The following TUBB4A variants were observed in gnomAD, a reference collection of about 807,000 sequenced individuals.
TUBB4A encodes the protein tubulin beta 4A class IVa, also known as tubulin beta-4A chain.
In TUBB4A, 13 loss-of-function variants were observed where a neutral mutation model predicts 35.1. That is an observed-to-expected ratio of 0.37 (90% CI 0.24 to 0.59). The LOEUF (loss-of-function observed/expected upper bound fraction) is 0.59, where lower values mean the gene tolerates loss of function less well. Ranked by LOEUF, TUBB4A falls within the 20% of genes least tolerant of loss-of-function variation. The pLI is 0.71. For missense variants in TUBB4A, 299 were observed against 647.2 expected (o/e 0.46, Z 5.84); for synonymous variants, 279 against 272.4 (o/e 1.02, Z -0.24).
intron 3 of TUBB4A, 137 bp from the exon 4 acceptor site, chr19:6,496,358 G>A (rs568671259): frequency 6.2e-5 from 54 of 871,378 alleles, no homozygotes; most frequent in South Asian, 2.5e-4. Flanking sequence ...AGCCGGGTGC[G>A]GTGGCTCACA....
intron 3 of TUBB4A, among the ~76,000 whole-genome samples, chr19:6,497,653 G>A (rs1914310372): frequency 1.3e-5 from 2 of 151,954 alleles, no homozygotes; most frequent in Non-Finnish European, 2.9e-5. Context: ...TTAGAATATT[G>A]GCCAGGCGCA....
At position 6,495,710 on chromosome 19, in the gene TUBB4A, C is replaced by A; in HGVS notation, c.789G>T (p.Leu263=). Residue 263 remains leucine (L), a synonymous_variant, in exon 4 of 4, where the codon CTG becomes CTT. Transcript: ENST00000264071. This position sits in a 1 kb window ranked among gnomAD's most constrained non-coding sequence, Gnocchi z 8.7. Reference sequence around the variant, plus strand: ...GTGCGAAGCCGGGCATGAAGAAGTGCAGGCGAGGAAAGGGAACCATGTTGA... The same window carrying A: ...GTGCGAAGCCGGGCATGAAGAAGTGAAGGCGAGGAAAGGGAACCATGTTGA... ...LAVNMVPFPR[L]HFFMPGFAPL... 6.2e-7 allele frequency: 1 copy of A among 1,614,014 alleles called. No homozygotes were observed. The highest frequency in any genetic ancestry group is 1.1e-5 in the South Asian group (1 of 91,082).
chr19:6,498,603 T>C (rs2145253951), intron 3 of TUBB4A, among the ~76,000 whole-genome samples: 1 of 152,344 alleles, frequency 6.6e-6, no homozygotes, highest in South Asian at 2.1e-4. Context: ...GGTCCTGCCC[T>C]GGGGCCTTTG....
rs1371754860 is a variant in TUBB4A, at chr19:6,502,232, G to A, written c.-20C>T. ...CCGCATGGCGGTGGCGCTGAGGGTG[G>A]ACGCGGCGGCGGTGGCACGAGCGCG... On this transcript the variant is annotated 5_prime_UTR_variant, in exon 1 of 4. Coordinates refer to ENST00000264071, the MANE Select transcript of TUBB4A (RefSeq NM_006087.4). The A allele has an allele frequency of 3.3e-6, 5 of 1,519,604 alleles. No homozygotes were observed. The highest frequency in any genetic ancestry group is 2.6e-6 in the Non-Finnish European group (3 of 1,142,386). 94.1% of individuals were successfully genotyped at this position (1,519,604 alleles called of 1,614,324 possible). A position where few individuals can be genotyped will look rare whatever the true frequency, so the allele number is the denominator to read the frequency against.
chr19:6,497,898 CAAAAA>C (rs1179837262), intron 3 of TUBB4A, among the ~76,000 whole-genome samples: 100 of 42,250 alleles, frequency 2.4e-3, no homozygotes, highest in Non-Finnish European at 3.6e-3. Flanking sequence ...GACTCCGTCT[CAAAAA>C]AAAAAAAAAA....
rs373088691 is a variant in TUBB4A, at chr19:6,502,136, G to C, written c.57+20C>G. ...TCCCCGGGGCCGCCACTGCCTCCCC[G>C]GGCCCCGTTCCCCGAGCACCTTGGC... is the stretch of plus-strand genomic sequence containing the variant. On this transcript the variant is annotated intron_variant, in intron 1 of 3. Coordinates refer to ENST00000264071, the MANE Select transcript of TUBB4A (RefSeq NM_006087.4). 4 of 1,554,826 alleles carry C rather than the reference G, an allele frequency of 2.6e-6. No homozygotes were observed. The highest frequency in any genetic ancestry group is 1.4e-5 in the African/African-American group (1 of 71,104).
At chr19:6,499,446 G>C (rs549401824) in intron 3 of TUBB4A, among the ~76,000 whole-genome samples, 66 of 152,160 alleles carry the variant, frequency 4.3e-4, no homozygotes, top group Non-Finnish European at 9.1e-4. Flanking sequence ...AGTAAGAGGC[G>C]AGTTGCGGAA....
At chr19:6,496,745 T>G (rs1914217593) in intron 3 of TUBB4A, among the ~76,000 whole-genome samples, 1 of 149,366 alleles carries the variant, frequency 6.7e-6, no homozygotes, top group African/African-American at 2.5e-5. Flanking sequence ...TGCTTGAACC[T>G]GGGAGGAGGA....
In TUBB4A at chr19:6,501,478, G is replaced by A. The variant is rs771163360; in HGVS notation, c.166+37C>T. On this transcript the variant is annotated intron_variant, in intron 2 of 3. Transcript: ENST00000264071. This position sits in a 1 kb window ranked among gnomAD's most constrained non-coding sequence, Gnocchi z 4.2. ...GGTAGCATCCTGTTCCCTCCCAGCT[G>A]CCCCTTCCCACCTGGAAGGTGCCTC... is the stretch of plus-strand genomic sequence containing the variant. 3 of 1,606,172 alleles carry A rather than the reference G, an allele frequency of 1.9e-6. No homozygotes were observed. The African/African-American group carries it at 4.0e-5, about 21-fold the overall frequency.
intron 3 of TUBB4A, 57 bp from the exon 4 acceptor site, chr19:6,496,278 C>A (rs555739912): frequency 5.7e-5 from 86 of 1,510,448 alleles, no homozygotes; most frequent in Non-Finnish European, 7.5e-5. Context: ...CAACCCTTGA[C>A]TCTGTCTCTC....
In TUBB4A at chr19:6,495,407, G is replaced by A. The variant is rs142838372; in HGVS notation, c.1092C>T (p.Ala364=). ...CDIPPRGLKM[A]ATFIGNSTAI... Reference sequence around the variant, plus strand: ...CCGTGCTGTTGCCGATGAAGGTCGCGGCCATCTTCAGGCCGCGGGGCGGGA... The same window carrying A: ...CCGTGCTGTTGCCGATGAAGGTCGCAGCCATCTTCAGGCCGCGGGGCGGGA... Residue 364 remains alanine (A), a synonymous_variant, in exon 4 of 4, where the codon GCC becomes GCT. Coordinates refer to ENST00000264071, the MANE Select transcript of TUBB4A (RefSeq NM_006087.4). This position sits in a 1 kb window ranked among gnomAD's most constrained non-coding sequence, Gnocchi z 8.7. 7.9e-5 allele frequency: 128 copies of A among 1,613,902 alleles called. No homozygotes were observed. The highest frequency in any genetic ancestry group is 1.7e-4 in the Middle Eastern group (1 of 5,976).
upstream of TUBB4A, chr19:6,502,404 T>C (rs866203668): frequency 1.7e-5 from 10 of 602,166 alleles, no homozygotes; most frequent in African/African-American, 1.2e-4. Flanking sequence ...CGCCCCGGGA[T>C]GATGGAGGGG....
Position 6,495,419 on chromosome 19 carries a change from G to T in TUBB4A, c.1080C>A (p.Gly360=), listed in dbSNP as rs754708290. The change falls in exon 4 of 4, where the codon GGC becomes GGA. Residue 360 remains glycine (G), a synonymous_variant. Coordinates refer to ENST00000264071, the MANE Select transcript of TUBB4A (RefSeq NM_006087.4). The surrounding 1 kb of genome is among the most constrained non-coding windows in gnomAD (Gnocchi z 8.7). ...KTAVCDIPPR[G]LKMAATFIGN... ...CGATGAAGGTCGCGGCCATCTTCAG[G>T]CCGCGGGGCGGGATGTCGCACACGG... 2.5e-6 allele frequency: 4 copies of T among 1,613,980 alleles called. No homozygotes were observed. The highest frequency in any genetic ancestry group is 2.7e-5 in the African/African-American group (2 of 74,924).
chr19:6,495,912 G>A lies in TUBB4A; in HGVS notation c.587C>T (p.Thr196Met), dbSNP rs1914144239. 2 of 1,614,238 alleles carry A rather than the reference G, an allele frequency of 1.2e-6. No homozygotes were observed. Among genetic ancestry groups the A allele is most frequent in the Non-Finnish European group, 1.7e-6 (2 of 1,180,050 alleles). ...GTTGTCGATGCAGTAGGTCTCATCCGTATTCTCCACCAGCTGGTGCACAGA... is the reference window on the plus strand; with the variant it reads ...GTTGTCGATGCAGTAGGTCTCATCCATATTCTCCACCAGCTGGTGCACAGA... Reference protein sequence around the residue: ...TLSVHQLVENTDETYCIDNEA... With the variant: ...TLSVHQLVENMDETYCIDNEA... The change falls in exon 4 of 4, where the codon ACG becomes ATG. Residue 196 changes from threonine (T) to methionine (M), a missense_variant. This residue lies in a region of TUBB4A where 51 missense variants were observed against 100.3 expected (regional missense o/e 0.51). Coordinates refer to ENST00000264071, the MANE Select transcript of TUBB4A (RefSeq NM_006087.4). The surrounding 1 kb of genome is among the most constrained non-coding windows in gnomAD (Gnocchi z 8.7).
chr19:6,497,027 ATATATATATATATATATATAT>A lies in TUBB4A; in HGVS notation c.278-827_278-807del, dbSNP rs1914270324. Among the ~76,000 whole-genome samples, 14 of 15,964 alleles carry A rather than the reference ATATATATATATATATATATAT, an allele frequency of 8.8e-4. 1 individual carries two copies. Among genetic ancestry groups the A allele is most frequent in the African/African-American group, 1.3e-3 (4 of 3,180 alleles). 10.5% of individuals were successfully genotyped at this position (15,964 alleles called of 152,430 possible). A position where few individuals can be genotyped will look rare whatever the true frequency, so the allele number is the denominator to read the frequency against. On this transcript the variant is annotated intron_variant, in intron 3 of 3. Transcript: ENST00000264071. ...AAAAAAAAAAAAAAAAAAAAAAAAT[ATATATATATATATATATATAT>A]ATATATATATATATATAAATTAGCC...
Position 6,495,650 on chromosome 19 carries a change from G to T in TUBB4A, c.849C>A (p.Ala283=). 6.2e-7 allele frequency: 1 copy of T among 1,614,056 alleles called. No homozygotes were observed. The highest frequency in any genetic ancestry group is 8.5e-7 in the Non-Finnish European group (1 of 1,179,942). ...LTSRGSQQYR[A]LTVPELTQQM... is the part of the protein sequence containing the mutation. ...GCTGGGTGAGCTCGGGCACCGTCAG[G>T]GCCCGGTACTGCTGGCTGCCCCGGC... Residue 283 remains alanine (A), a synonymous_variant, in exon 4 of 4, where the codon GCC becomes GCA. Transcript: ENST00000264071. The surrounding 1 kb of genome is among the most constrained non-coding windows in gnomAD (Gnocchi z 8.7).
chr19:6,498,053 T>C (rs1004531669), intron 3 of TUBB4A, among the ~76,000 whole-genome samples: 3 of 150,846 alleles, frequency 2.0e-5, no homozygotes, highest in African/African-American at 7.3e-5. Flanking sequence ...CTACTAAAAA[T>C]AGAAAAAATT....
chr19:6,501,128 C>T lies in TUBB4A; in HGVS notation c.277+159G>A. 1 of 606,750 alleles carries T rather than the reference C, an allele frequency of 1.6e-6. No homozygotes were observed. Among genetic ancestry groups the T allele is most frequent in the East Asian group, 2.8e-5 (1 of 35,694 alleles). The allele number at this position is 606,750 out of a possible 1,614,324, so 37.6% of individuals were successfully genotyped here. A position where few individuals can be genotyped will look rare whatever the true frequency, so the allele number is the denominator to read the frequency against. Reference sequence around the variant, plus strand: ...CCCTCCTCAGGGCTCTCACAGTGGCCTGAGCATCCCCTCATCACAGCCCTG... The same window carrying T: ...CCCTCCTCAGGGCTCTCACAGTGGCTTGAGCATCCCCTCATCACAGCCCTG... On this transcript the variant is annotated intron_variant, in intron 3 of 3. Transcript: ENST00000264071. This position sits in a 1 kb window ranked among gnomAD's most constrained non-coding sequence, Gnocchi z 4.2.
chr19:6,502,026 T>C, intron 1 of TUBB4A, 130 bp downstream of exon 1: 1 of 1,038,308 alleles, frequency 9.6e-7, no homozygotes, highest in African/African-American at 1.7e-5. Flanking sequence ...CCAAGGCCCC[T>C]GGGGCGCGCT....
Sources: gnomAD v4.1 joint callset for allele counts (sites outside exome capture counted in the v4.1 genomes callset) on GRCh38, gnomAD v4.1.1 for gene constraint, gnomAD v4.1.1 regional missense constraint, Gnocchi (gnomAD v3.1) non-coding constraint, MANE v1.5 for transcripts, NCBI Gene and HGNC (gene_info 2026-07-23, HGNC 2026-07-21) for gene names.